The following ARHGEF28 variants were observed in gnomAD, a reference collection of about 807,000 sequenced individuals.
ARHGEF28 encodes Rho guanine nucleotide exchange factor 28.
ARHGEF28 carries 152 observed loss-of-function variants against 206.6 expected under a neutral mutation model. The observed-to-expected ratio is 0.74, with a 90% CI of 0.64 to 0.84. The LOEUF (loss-of-function observed/expected upper bound fraction) is 0.84. Among genes scored for constraint, ARHGEF28 ranks in the 40% least tolerant of loss-of-function variants. The probability of loss-of-function intolerance (pLI) is 0.00; values close to 1 mark genes in which losing one functional copy is unlikely to be tolerated. For synonymous variants in ARHGEF28, 763 were observed against 776.4 expected (o/e 0.98, Z 0.29); for missense variants, 2,028 against 2,073.2 (o/e 0.98, Z 0.42).
intron 33 of ARHGEF28, among the ~76,000 whole-genome samples, chr5:73,906,585 T>C (rs905355256): frequency 6.6e-6 from 1 of 152,244 alleles, no homozygotes; most frequent in African/African-American, 2.4e-5. Context: ...AATTTCATTA[T>C]ATTTTTGAAA....
Position 73,680,557 on chromosome 5 carries a change from T to C in ARHGEF28, c.-11-4284T>C, listed in dbSNP as rs138914221. Among the ~76,000 whole-genome samples the C allele has an allele frequency of 1.2e-3, 177 of 150,268 alleles. 2 individuals carry two copies. The highest frequency in any genetic ancestry group is 2.3e-3 in the Non-Finnish European group (156 of 67,776). ...GAGGGATAAAAGACGACACATTGGG[T>C]ACAGTGTACACTGCTCGGGTGATAG... On this transcript the variant is annotated intron_variant, in intron 1 of 35. Transcript: ENST00000513042.
chr5:73,641,963 T>C (rs1252439240), intron 1 of ARHGEF28, among the ~76,000 whole-genome samples: 2 of 152,238 alleles, frequency 1.3e-5, no homozygotes, highest in Admixed American at 6.5e-5. Context: ...GCTTTGCAGA[T>C]AAGGGAACTA....
intron 4 of ARHGEF28, among the ~76,000 whole-genome samples, chr5:73,763,109 A>G (rs116741655): frequency 2.1e-4 from 32 of 152,302 alleles, no homozygotes; most frequent in Admixed American, 9.8e-4. Flanking sequence ...TCTTTTTTTC[A>G]TTCATGGATA....
Position 73,749,932 on chromosome 5 carries a change from T to C in ARHGEF28, c.129T>C (p.His43=), listed in dbSNP as rs1751937783. ...YFTYDGSHQR[H]VMIAERIEDN... is the part of the protein sequence containing the mutation. ...CTTATGACGGATCTCATCAGCGACA[T>C]GTCATGATTGCAGAGCGCATCGAGG... The change falls in exon 3 of 36, where the codon CAT becomes CAC. Residue 43 remains histidine (H), a synonymous_variant. Transcript: ENST00000513042. 6.2e-7 allele frequency: 1 copy of C among 1,613,990 alleles called. No individual in the cohort carries two copies. The highest frequency in any genetic ancestry group is 8.5e-7 in the Non-Finnish European group (1 of 1,179,884).
At chr5:73,634,840 C>T (rs527910599) in intron 1 of ARHGEF28, among the ~76,000 whole-genome samples, 4 of 152,310 alleles carry the variant, frequency 2.6e-5, no homozygotes, top group African/African-American at 9.6e-5. Flanking sequence ...TTTTCTTGAT[C>T]AGTCTTCTAT....
intron 6 of ARHGEF28, 33 bp downstream of exon 6, chr5:73,776,729 G>T: frequency 6.5e-7 from 1 of 1,548,908 alleles, no homozygotes; most frequent in Non-Finnish European, 8.8e-7. Flanking sequence ...ATGTGATAAT[G>T]CATGCTTCAG....
chr5:73,903,580 A>G (rs1762388684), intron 31 of ARHGEF28: 1 of 152,952 alleles, frequency 6.5e-6, no homozygotes, highest in Non-Finnish European at 1.5e-5. Flanking sequence ...CCCTCTCCCT[A>G]AAGAACAGAC....
In ARHGEF28 at chr5:73,846,324, C is replaced by T. The variant is rs767003403; in HGVS notation, c.1484C>T (p.Ser495Phe). Residue 495 changes from serine to phenylalanine, a missense_variant, in exon 12 of 36, where the codon TCC becomes TTC. Ser to Phe is a radical substitution (Grantham distance 155). Coordinates refer to ENST00000513042, the MANE Select transcript of ARHGEF28 (RefSeq NM_001177693.2). ...DSEGEGHSEP[S>F]HICYTPGSQS... ...GAAGGGGAAGGGCATTCTGAGCCATCCCACATCTGTTACACTCCAGGGTCT... is the reference window on the plus strand; with the variant it reads ...GAAGGGGAAGGGCATTCTGAGCCATTCCACATCTGTTACACTCCAGGGTCT... 3 of 1,613,856 alleles carry T rather than the reference C, an allele frequency of 1.9e-6. No individual in the cohort carries two copies. In the South Asian group the frequency reaches 3.3e-5, roughly 18 times the overall value.
At chr5:73,923,087 G>T (rs868838234) in intron 35 of ARHGEF28, 1 of 1,535,370 alleles carries the variant, frequency 6.5e-7, no homozygotes, top group Non-Finnish European at 8.7e-7. Context: ...TTGCATTCAG[G>T]CTCCAGTATG....
intron 14 of ARHGEF28, among the ~76,000 whole-genome samples, chr5:73,853,256 C>T (rs1457642188): frequency 6.6e-6 from 1 of 152,184 alleles, no homozygotes; most frequent in East Asian, 1.9e-4. Context: ...GGAAGCAGAC[C>T]AGTGTGCAAG....
intron 2 of ARHGEF28, among the ~76,000 whole-genome samples, chr5:73,723,854 T>C (rs971926054): frequency 2.6e-5 from 4 of 152,238 alleles, no homozygotes; most frequent in Non-Finnish European, 5.9e-5. Context: ...GGTTCTAGCA[T>C]GAGCATGAAG....
chr5:73,849,210 T>A, intron 13 of ARHGEF28, 123 bp downstream of exon 13: 1 of 732,974 alleles, frequency 1.4e-6, no homozygotes, highest in Non-Finnish European at 2.2e-6. Context: ...TTTTCATAAC[T>A]GGTTTTTCTA....
Position 73,684,904 on chromosome 5 carries a change from G to A in ARHGEF28, c.33+20G>A. On this transcript the variant is annotated intron_variant, in intron 2 of 35. Coordinates refer to ENST00000513042, the MANE Select transcript of ARHGEF28 (RefSeq NM_001177693.2). ...CTTTACGTAAGTTGCTAAGCACGGGGCTTCAGGTCCAAGGGGCCCTTTCTT... is the reference window on the plus strand; with the variant it reads ...CTTTACGTAAGTTGCTAAGCACGGGACTTCAGGTCCAAGGGGCCCTTTCTT... The A allele has an allele frequency of 6.2e-7, 1 of 1,611,136 alleles. No homozygotes were observed.
At chr5:73,824,607 T>G (rs1303293307) in intron 9 of ARHGEF28, among the ~76,000 whole-genome samples, 2 of 152,064 alleles carry the variant, frequency 1.3e-5, no homozygotes, top group African/African-American at 4.8e-5. Context: ...TAGCTGGGAT[T>G]ACAGCATGCG....
At chr5:73,916,442 T>C (rs998461090) in intron 35 of ARHGEF28, among the ~76,000 whole-genome samples, 1 of 152,168 alleles carries the variant, frequency 6.6e-6, no homozygotes, top group Non-Finnish European at 1.5e-5. Flanking sequence ...ATTTCTTCAG[T>C]TCTGGAGGCT....
At position 73,920,374 on chromosome 5, in the gene ARHGEF28, G is replaced by C. The variant is rs554578668; in HGVS notation, c.4948+8799G>C. On this transcript the variant is annotated intron_variant, in intron 35 of 35. Coordinates refer to ENST00000513042, the MANE Select transcript of ARHGEF28 (RefSeq NM_001177693.2). ...TTAGTATTGGAGTAAATTTATCAAT[G>C]TATAGTACTATATGTATCAGTTTGG... Among the ~76,000 whole-genome samples the C allele has an allele frequency of 3.3e-5, 5 of 152,202 alleles. No individual in the cohort carries two copies. In the South Asian group the frequency reaches 1.0e-3, roughly 32 times the overall value.
chr5:73,795,490 C>T (rs1468345682), intron 9 of ARHGEF28, 99 bp downstream of exon 9: 1 of 1,052,750 alleles, frequency 9.5e-7, no homozygotes, highest in African/African-American at 1.6e-5. Flanking sequence ...ATATTCCTTC[C>T]TGGTAACCTT....
At chr5:73,655,280 A>T (rs779115006) in intron 1 of ARHGEF28, among the ~76,000 whole-genome samples, 3 of 152,230 alleles carry the variant, frequency 2.0e-5, no homozygotes, top group Non-Finnish European at 4.4e-5. Flanking sequence ...ACAGGTCAAC[A>T]TGTTTAACCT....
chr5:73,860,781 G>A (rs868014305), intron 16 of ARHGEF28, among the ~76,000 whole-genome samples: 1 of 151,980 alleles, frequency 6.6e-6, no homozygotes, highest in Non-Finnish European at 1.5e-5. Flanking sequence ...TGTGTTTACT[G>A]GGCTAAGTCC....
Sources: allele counts gnomAD v4.1 joint callset (sites outside exome capture counted in the v4.1 genomes callset), GRCh38; gene constraint gnomAD v4.1.1; transcripts MANE v1.5; gene names NCBI Gene and HGNC (gene_info 2026-07-23, HGNC 2026-07-21).